PIK3C2B: variants seen among roughly 807,000 people sequenced by gnomAD.
PIK3C2B encodes the protein phosphatidylinositol 4-phosphate 3-kinase C2 domain-containing subunit beta.
In PIK3C2B, 83 loss-of-function variants were observed where a neutral mutation model predicts 184.3. The ratio of observed to expected loss-of-function variants is 0.45; its 90% confidence interval spans 0.38 to 0.54. The LOEUF (loss-of-function observed/expected upper bound fraction) is 0.54, where lower values mean the gene tolerates loss of function less well. PIK3C2B is among the 20% of genes least tolerant of loss of function. PIK3C2B has a pLI of 0.00. For synonymous variants in PIK3C2B, 779 were observed against 837.6 expected (o/e 0.93, Z 1.21); for missense variants, 1,736 against 2,113.5 (o/e 0.82, Z 3.50).
At chr1:204,466,642 A>AAG (rs1655821092) in intron 2 of PIK3C2B, 20 of 379,382 alleles carry the variant, frequency 5.3e-5, no homozygotes, top group Non-Finnish European at 9.4e-5. Flanking sequence ...GAAAAAGAGA[A>AAG]AGAGAGAGAG....
Position 204,469,794 on chromosome 1 carries a change from C to A in PIK3C2B, c.9G>T (p.Ser3=). 1.2e-6 allele frequency: 2 copies of A among 1,612,390 alleles called. No homozygotes were observed. Among genetic ancestry groups the A allele is most frequent in the South Asian group, 1.1e-5 (1 of 91,010 alleles). Residue 3 remains serine, a synonymous_variant, in exon 2 of 33, where the codon TCG becomes TCT. Coordinates refer to ENST00000684373, the MANE Select transcript of PIK3C2B (RefSeq NM_001377334.1). ...TCCAGTGTTCCCCATTGCCCTGAGT[C>A]GAAGACATGGTGAGGATGGGGGACA... MS[S]TQGNGEHWKS... is the part of the protein sequence containing the mutation.
chr1:204,425,524 A>T, intron 32 of PIK3C2B, 89 bp downstream of exon 32: 10 of 1,406,052 alleles, frequency 7.1e-6, no homozygotes, highest in Non-Finnish European at 1.0e-5. Context: ...TTAATACAAC[A>T]TCTTAATACG....
At chr1:204,439,646 A>G (rs1460295862) in intron 22 of PIK3C2B, among the ~76,000 whole-genome samples, 1 of 152,072 alleles carries the variant, frequency 6.6e-6, no homozygotes. Context: ...CTCTATATAT[A>G]TATTTTCACA....
chr1:204,478,922 G>T (rs1189756866), intron 1 of PIK3C2B, among the ~76,000 whole-genome samples: 1 of 152,208 alleles, frequency 6.6e-6, no homozygotes, highest in Non-Finnish European at 1.5e-5. Context: ...CAGAGACCCC[G>T]ATTCTAGCTC....
rs1205267728 is a variant in PIK3C2B, at chr1:204,460,380, G to A, written c.1446C>T (p.Ser482=). Residue 482 remains serine, a synonymous_variant, in exon 7 of 33, where the codon TCC becomes TCT. Transcript: ENST00000684373. ...ARTVNDDQSP[S]TLNYLVHLQE... is the part of the protein sequence containing the mutation. ...GGAGATGGACGAGGTAGTTCAAGGT[G>A]GAGGGGCTCTGGTCATCATTCACCT... 6.2e-7 allele frequency: 1 copy of A among 1,613,902 alleles called. No homozygotes were observed. Among genetic ancestry groups the A allele is most frequent in the Non-Finnish European group, 8.5e-7 (1 of 1,179,810 alleles).
At chr1:204,473,819 T>C (rs1286381977) in intron 1 of PIK3C2B, among the ~76,000 whole-genome samples, 1 of 152,208 alleles carries the variant, frequency 6.6e-6, no homozygotes, top group Non-Finnish European at 1.5e-5. Flanking sequence ...CCTCTTCTGC[T>C]CTTGCCCCAT....
At chr1:204,468,130 A>C (rs1655972674) in intron 2 of PIK3C2B, among the ~76,000 whole-genome samples, 1 of 152,242 alleles carries the variant, frequency 6.6e-6, no homozygotes, top group South Asian at 2.1e-4. Context: ...GAATGAGTAG[A>C]GATGAATAAT....
chr1:204,481,276 T>TC (rs965331597), intron 1 of PIK3C2B, among the ~76,000 whole-genome samples: 1 of 148,260 alleles, frequency 6.7e-6, no homozygotes, highest in Non-Finnish European at 1.5e-5. Flanking sequence ...TTCTTTTTTT[T>TC]TTTTTTTTTT....
At chr1:204,457,963 G>A in intron 8 of PIK3C2B, 89 bp from the exon 9 acceptor site, 3 of 1,207,366 alleles carry the variant, frequency 2.5e-6, no homozygotes, top group Non-Finnish European at 3.5e-6. Context: ...TAAAGGAAAG[G>A]GTTGGGAAGA....
At chr1:204,461,459 C>T (rs564446394) in intron 5 of PIK3C2B, among the ~76,000 whole-genome samples, 1 of 152,270 alleles carries the variant, frequency 6.6e-6, no homozygotes, top group East Asian at 1.9e-4. Flanking sequence ...CAGGCCTGGG[C>T]CTGGCCTCAG....
In PIK3C2B at chr1:204,433,922, C is replaced by A. The variant is rs750309233; in HGVS notation, c.3714G>T (p.Ser1238=). 3.7e-6 allele frequency: 6 copies of A among 1,613,866 alleles called. No homozygotes were observed. The South Asian group carries it at 5.5e-5, about 15-fold the overall frequency. ...KRDRAPFVFT[S]DMAYVINGGD... ...CCCCGTTGATGACATACGCCATGTC[C>A]GAGGTGAAGACAAAGGGGGCACGGT... is the stretch of plus-strand genomic sequence containing the variant. The change falls in exon 25 of 33, where the codon TCG becomes TCT. Residue 1238 remains serine (S), a synonymous_variant. Coordinates refer to ENST00000684373, the MANE Select transcript of PIK3C2B (RefSeq NM_001377334.1). The surrounding 1 kb of genome is among the most constrained non-coding windows in gnomAD (Gnocchi z 5.0).
chr1:204,440,402 C>A (rs933447356), intron 21 of PIK3C2B, 81 bp from the exon 22 acceptor site: 1 of 1,427,856 alleles, frequency 7.0e-7, no homozygotes, highest in Admixed American at 2.3e-5. Context: ...CAACCTTGGC[C>A]CTAAACTAAC....
At chr1:204,460,464 AC>A (rs1258319659) in intron 6 of PIK3C2B, 61 bp from the exon 7 acceptor site, 20 of 1,536,390 alleles carry the variant, frequency 1.3e-5, no homozygotes, top group East Asian at 2.2e-5. Flanking sequence ...CAGCACTCCT[AC>A]CCCCCTCCCA....
Position 204,446,163 on chromosome 1 carries a change from G to A in PIK3C2B, c.2490-19C>T, listed in dbSNP as rs897721241. On this transcript the variant is annotated intron_variant, in intron 15 of 32. Transcript: ENST00000684373. ...AGTGAGCCTGGTGGGCACACGGAAA[G>A]GAGAAGGTGGTGGGAGGGTAGGGGG... 1.3e-6 allele frequency: 2 copies of A among 1,522,524 alleles called. No individual in the cohort carries two copies. The highest frequency in any genetic ancestry group is 1.8e-6 in the Non-Finnish European group (2 of 1,127,384). The allele number at this position is 1,522,524 out of a possible 1,614,324, so 94.3% of individuals were successfully genotyped here. A position where few individuals can be genotyped will look rare whatever the true frequency, so the allele number is the denominator to read the frequency against.
Position 204,469,185 on chromosome 1 carries a change from C to A in PIK3C2B, c.618G>T (p.Arg206=), listed in dbSNP as rs374764665. 27 of 1,613,544 alleles carry A rather than the reference C, an allele frequency of 1.7e-5. No individual in the cohort carries two copies. Among genetic ancestry groups the A allele is most frequent in the Non-Finnish European group, 2.1e-5 (25 of 1,179,684 alleles). The change falls in exon 2 of 33, where the codon CGG becomes CGT. Residue 206 remains arginine, a synonymous_variant. Coordinates refer to ENST00000684373, the MANE Select transcript of PIK3C2B (RefSeq NM_001377334.1). ...CCAGCACCTCTTCCTCTTCTAGGAT[C>A]CGATGCTCTAGCAGTTTGCCCGGCA... ...EQLPGKLLEH[R]ILEEEEVLGG...
Position 204,440,191 on chromosome 1 carries a change from C to A in PIK3C2B, c.3379+1G>T. ...CACCCTCACCCCTACTCCCAACTGA[C>A]CTCTGCCCCGGCCGGTGGAGAAGCA... On this transcript the variant is annotated splice_donor_variant, in intron 22 of 32. Transcript: ENST00000684373. LOFTEE classifies it high-confidence loss of function. The A allele has an allele frequency of 1.9e-6, 3 of 1,611,976 alleles. No homozygotes were observed. Among genetic ancestry groups the A allele is most frequent in the Non-Finnish European group, 2.5e-6 (3 of 1,178,866 alleles).
chr1:204,482,363 T>C (rs1024840708), intron 1 of PIK3C2B, among the ~76,000 whole-genome samples: 1 of 152,194 alleles, frequency 6.6e-6, no homozygotes, highest in African/African-American at 2.4e-5. Context: ...GGAGCCTCCA[T>C]TCTTCCTGGT....
chr1:204,468,384 G>A (rs566380441), intron 2 of PIK3C2B, among the ~76,000 whole-genome samples: 1 of 152,302 alleles, frequency 6.6e-6, no homozygotes, highest in Non-Finnish European at 1.5e-5. Context: ...AAGGGTTGTT[G>A]TGGAGATCTG....
intron 28 of PIK3C2B, among the ~76,000 whole-genome samples, chr1:204,431,166 C>A (rs1191060931): frequency 1.3e-5 from 2 of 152,220 alleles, no homozygotes; most frequent in African/African-American, 2.4e-5. Flanking sequence ...CAGACCTGGG[C>A]AACTAGCTTT....
Sources: allele counts gnomAD v4.1 joint callset (sites outside exome capture counted in the v4.1 genomes callset), GRCh38; gene constraint gnomAD v4.1.1; non-coding constraint Gnocchi (gnomAD v3.1); transcripts MANE v1.5; gene names NCBI Gene and HGNC (gene_info 2026-07-23, HGNC 2026-07-21).